The following LRRC4C variants were observed in gnomAD, a reference collection of about 807,000 sequenced individuals.
LRRC4C encodes the protein leucine rich repeat containing 4C, also known as leucine-rich repeat-containing protein 4C.
LRRC4C carries 5 observed loss-of-function variants against 33.6 expected under a neutral mutation model. The ratio of observed to expected loss-of-function variants is 0.15; its 90% CI spans 0.08 to 0.31. The LOEUF (loss-of-function observed/expected upper bound fraction) is 0.31, where lower values mean the gene tolerates loss of function less well. Ranked by LOEUF, LRRC4C falls within the 10% of genes least tolerant of loss-of-function variation. LRRC4C has a pLI of 1.00. For synonymous variants in LRRC4C, 329 were observed against 302.0 expected (o/e 1.09, Z -0.93); for missense variants, 560 against 796.7 (o/e 0.70, Z 3.58).
At chr11:40,208,460 T>C (rs917241795) in intron 5 of LRRC4C, among the ~76,000 whole-genome samples, 3 of 152,120 alleles carry the variant, frequency 2.0e-5, no homozygotes, top group Non-Finnish European at 2.9e-5. Flanking sequence ...AAATCATGAA[T>C]ACGTTTCCAT....
chr11:40,994,485 TC>T (rs1202236183), intron 1 of LRRC4C, among the ~76,000 whole-genome samples: 6 of 152,104 alleles, frequency 3.9e-5, no homozygotes, highest in Non-Finnish European at 7.4e-5. Flanking sequence ...GGTGATCCTT[TC>T]AGAATTTCTG....
intron 1 of LRRC4C, among the ~76,000 whole-genome samples, chr11:41,230,234 A>G (rs1276365783): frequency 6.6e-6 from 1 of 152,064 alleles, no homozygotes; most frequent in Admixed American, 6.6e-5. Context: ...AACCTGTTTT[A>G]TGGGTTATAG....
At chr11:40,730,389 C>A (rs1291650033) in intron 2 of LRRC4C, among the ~76,000 whole-genome samples, 2 of 152,100 alleles carry the variant, frequency 1.3e-5, no homozygotes, top group African/African-American at 2.4e-5. Flanking sequence ...GTTATGCATG[C>A]AAATGGATCT....
In LRRC4C at chr11:40,539,484, G is replaced by T. The variant is rs567389048; in HGVS notation, c.-270+108658C>A. On this transcript the variant is annotated intron_variant, in intron 3 of 6. Coordinates refer to ENST00000528697, the MANE Select transcript of LRRC4C (RefSeq NM_001258419.2). The stretch of plus-strand genomic sequence containing the variant: ...TAAATGTTTGTTAAATAAGTTTGAA[G>T]CTCTATCATTTTTTTTCAGTTTGTA... 5.3e-5 allele frequency among the ~76,000 whole-genome samples: 8 copies of T among 152,060 alleles called. No individual in the cohort carries two copies. In the South Asian group the frequency reaches 1.7e-3, roughly 32 times the overall value.
intron 1 of LRRC4C, among the ~76,000 whole-genome samples, chr11:41,059,372 T>C (rs1416602750): frequency 6.6e-6 from 1 of 152,004 alleles, no homozygotes; most frequent in Non-Finnish European, 1.5e-5. Context: ...ACAGGTATTA[T>C]AGCTTTCTTA....
chr11:40,464,967 T>C (rs573564265), intron 3 of LRRC4C, among the ~76,000 whole-genome samples: 4 of 152,100 alleles, frequency 2.6e-5, no homozygotes, highest in East Asian at 3.9e-4. Context: ...AAAACAGTTC[T>C]AAAATTAATA....
intron 1 of LRRC4C, among the ~76,000 whole-genome samples, chr11:41,311,848 G>C (rs1950651565): frequency 6.6e-6 from 1 of 151,996 alleles, no homozygotes. Context: ...TCACATATAA[G>C]CCACCCCTCC....
chr11:40,707,774 C>A (rs1052954315), intron 2 of LRRC4C, among the ~76,000 whole-genome samples: 3 of 152,134 alleles, frequency 2.0e-5, no homozygotes, highest in African/African-American at 7.2e-5. Context: ...GGAATAGTTT[C>A]AGAAGGAATG....
At chr11:40,664,202 A>G (rs972076742) in intron 2 of LRRC4C, among the ~76,000 whole-genome samples, 4 of 152,200 alleles carry the variant, frequency 2.6e-5, no homozygotes, top group Admixed American at 2.6e-4. Flanking sequence ...CTTTAAATGC[A>G]TATCTTATAT....
chr11:41,053,435 T>A (rs1246949428), intron 1 of LRRC4C, among the ~76,000 whole-genome samples: 1 of 152,174 alleles, frequency 6.6e-6, no homozygotes, highest in Non-Finnish European at 1.5e-5. Flanking sequence ...TGGAAGAAGA[T>A]CCTTTCTTAG....
At chr11:40,391,819 T>C (rs1327705976) in intron 3 of LRRC4C, among the ~76,000 whole-genome samples, 1 of 152,206 alleles carries the variant, frequency 6.6e-6, no homozygotes, top group African/African-American at 2.4e-5. Context: ...GCTGAAATTT[T>C]ATGTCCACAT....
At chr11:40,475,360 C>T (rs1953159158) in intron 3 of LRRC4C, among the ~76,000 whole-genome samples, 1 of 152,014 alleles carries the variant, frequency 6.6e-6, no homozygotes, top group Non-Finnish European at 1.5e-5. Context: ...AACAGAAAAC[C>T]AAACACCACA....
chr11:40,241,099 G>A (rs932992490), intron 5 of LRRC4C, among the ~76,000 whole-genome samples: 38 of 152,222 alleles, frequency 2.5e-4, no homozygotes, highest in East Asian at 1.9e-3. Context: ...TTTAAAAATC[G>A]TCTGGGTAAC....
chr11:41,258,646 G>T (rs896370383), intron 1 of LRRC4C, among the ~76,000 whole-genome samples: 1 of 151,816 alleles, frequency 6.6e-6, no homozygotes, highest in Non-Finnish European at 1.5e-5. Flanking sequence ...CTTATAGAAG[G>T]AAGGAACTCA....
intron 1 of LRRC4C, among the ~76,000 whole-genome samples, chr11:40,975,798 A>G (rs1356711851): frequency 1.3e-5 from 2 of 152,212 alleles, no homozygotes; most frequent in Non-Finnish European, 2.9e-5. Context: ...AAGCTTATAT[A>G]AAATATGTTC....
chr11:40,154,072 A>C (rs1041793250), intron 5 of LRRC4C, among the ~76,000 whole-genome samples: 1 of 152,204 alleles, frequency 6.6e-6, no homozygotes, highest in African/African-American at 2.4e-5. Flanking sequence ...CTATCAGATG[A>C]ACAGCAGATT....
At chr11:40,544,004 G>T (rs958803060) in intron 3 of LRRC4C, among the ~76,000 whole-genome samples, 2 of 152,172 alleles carry the variant, frequency 1.3e-5, no homozygotes, top group African/African-American at 4.8e-5. Flanking sequence ...TATATAGACG[G>T]TTGATAGAGA....
chr11:40,554,442 GA>G (rs1957250244), intron 3 of LRRC4C, among the ~76,000 whole-genome samples: 2 of 152,026 alleles, frequency 1.3e-5, no homozygotes, highest in Admixed American at 6.6e-5. Context: ...TAGCTATTTG[GA>G]CTCTCTTTTG....
chr11:40,877,336 C>CT (rs905576602), intron 2 of LRRC4C, among the ~76,000 whole-genome samples: 26 of 152,276 alleles, frequency 1.7e-4, no homozygotes, highest in Non-Finnish European at 3.2e-4. Flanking sequence ...TTCTGCAGCT[C>CT]TGGTGTTTGT....
Sources: gnomAD v4.1 joint callset for allele counts (sites outside exome capture counted in the v4.1 genomes callset) on GRCh38, gnomAD v4.1.1 for gene constraint, MANE v1.5 for transcripts, NCBI Gene and HGNC (gene_info 2026-07-23, HGNC 2026-07-21) for gene names.